UGCG: variants seen among roughly 807,000 people sequenced by gnomAD.
The protein encoded by UGCG is ceramide glucosyltransferase.
In UGCG, 10 loss-of-function variants were observed where a neutral mutation model predicts 49.5. That is an observed-to-expected ratio of 0.20 (90% CI 0.12 to 0.34). UGCG has a LOEUF of 0.34. Ranked by LOEUF, UGCG falls within the 10% of genes least tolerant of loss-of-function variation. The probability of loss-of-function intolerance (pLI) is 1.00; values close to 1 mark genes in which losing one functional copy is unlikely to be tolerated. For missense variants in UGCG, 312 were observed against 483.7 expected (o/e 0.65, Z 3.33); for synonymous variants, 182 against 158.2 (o/e 1.15, Z -1.13).
At chr9:111,912,589 A>T (rs1036997450) in intron 1 of UGCG, among the ~76,000 whole-genome samples, 1 of 152,068 alleles carries the variant, frequency 6.6e-6, no homozygotes, top group African/African-American at 2.4e-5. Context: ...AAAAAATAAA[A>T]AAAAAAAAAT....
chr9:111,929,984 A>C (rs1217314097), intron 6 of UGCG, among the ~76,000 whole-genome samples: 1 of 151,956 alleles, frequency 6.6e-6, no homozygotes, highest in Non-Finnish European at 1.5e-5. Context: ...ATGCACACTA[A>C]TTTTTGTATT....
Position 111,934,847 on chromosome 9 carries a change from G to A in UGCG, c.*1850G>A, listed in dbSNP as rs1045365223. On this transcript the variant is annotated 3_prime_UTR_variant, in exon 9 of 9. Transcript: ENST00000374279. ...ATTATTCCCTGAGGAAAGTTGCACA[G>A]TGAAAACCAGTCTGGTTGTGACCCA... 6.6e-6 allele frequency: 1 copy of A among 151,956 alleles called. No homozygotes were observed. The highest frequency in any genetic ancestry group is 2.4e-5 in the African/African-American group (1 of 41,354). 9.4% of individuals were successfully genotyped at this position (151,956 alleles called of 1,614,324 possible).
chr9:111,914,693 G>A lies in UGCG; in HGVS notation c.187G>A (p.Asp63Asn). ...VSLLKPLKGV[D>N]PNLINNLETF... Reference sequence around the variant, plus strand: ...TCTTCTGAAACCACTGAAAGGGGTAGATCCTAACTTAATCAACAACCTGGA... The same window carrying A: ...TCTTCTGAAACCACTGAAAGGGGTAAATCCTAACTTAATCAACAACCTGGA... The change falls in exon 2 of 9, where the codon GAT (aspartate) becomes AAT (asparagine). Residue 63 changes from aspartate to asparagine, a missense_variant. Transcript: ENST00000374279. 6.2e-7 allele frequency: 1 copy of A among 1,614,164 alleles called. No homozygotes were observed. Among genetic ancestry groups the A allele is most frequent in the Non-Finnish European group, 8.5e-7 (1 of 1,180,020 alleles).
chr9:111,909,639 T>A (rs1258730965), intron 1 of UGCG, among the ~76,000 whole-genome samples: 1 of 152,260 alleles, frequency 6.6e-6, no homozygotes, highest in Admixed American at 6.5e-5. Context: ...CATTCGGGGC[T>A]GTAAAGATGT....
chr9:111,927,194 C>T (rs12377408), intron 5 of UGCG, among the ~76,000 whole-genome samples: 67,095 of 151,786 alleles, frequency 0.44, 16,007 homozygotes, highest in African/African-American at 0.63. Context: ...TTTTAAAATA[C>T]CACAAAGTAT....
chr9:111,934,172 T>C lies in UGCG; in HGVS notation c.*1175T>C, dbSNP rs1484809025. On this transcript the variant is annotated 3_prime_UTR_variant, in exon 9 of 9. Coordinates refer to ENST00000374279, the MANE Select transcript of UGCG (RefSeq NM_003358.3). ...TGTTTTTGTTTGTTTACTATTATAG[T>C]AAGTCTAGTCTTATTTAAATTGGAT... 1 of 151,818 alleles carries C rather than the reference T, an allele frequency of 6.6e-6. No individual in the cohort carries two copies. Among genetic ancestry groups the C allele is most frequent in the Non-Finnish European group, 1.5e-5 (1 of 67,974 alleles). The allele number at this position is 151,818 out of a possible 1,614,324, so 9.4% of individuals were successfully genotyped here.
At chr9:111,929,792 G>A in intron 6 of UGCG, 114 bp downstream of exon 6, 1 of 1,244,248 alleles carries the variant, frequency 8.0e-7, no homozygotes, top group Admixed American at 2.5e-5. Flanking sequence ...TTTTTTGCTA[G>A]TAAGTACAGA....
At chr9:111,911,328 G>A (rs896358860) in intron 1 of UGCG, among the ~76,000 whole-genome samples, 6 of 151,890 alleles carry the variant, frequency 4.0e-5, no homozygotes, top group East Asian at 1.9e-4. Flanking sequence ...TTGTCCTAAC[G>A]GTTCAATTAT....
At position 111,932,899 on chromosome 9, in the gene UGCG, AT is replaced by A. The variant is rs1243652090; in HGVS notation, c.1094del (p.Leu365CysfsTer9). ...WFIRESMTIY[I>X]FLSALWDPTI... ...CATCCGCGAATCCATGACAATATAC[AT>A]TTTTTTGTCTGCATTATGGGACCCA... On this transcript the variant is annotated frameshift_variant, in exon 9 of 9. Transcript: ENST00000374279. LOFTEE classifies it high-confidence loss of function. The A allele has an allele frequency of 1.9e-6, 3 of 1,612,458 alleles. No individual in the cohort carries two copies. The highest frequency in any genetic ancestry group is 1.1e-5 in the South Asian group (1 of 90,820).
intron 1 of UGCG, among the ~76,000 whole-genome samples, chr9:111,908,802 C>T (rs1837940390): frequency 6.6e-6 from 1 of 152,176 alleles, no homozygotes; most frequent in Admixed American, 6.5e-5. Context: ...ATCTGAGACA[C>T]TAAAAGAAAA....
chr9:111,931,581 A>G (rs1187844120), intron 7 of UGCG, among the ~76,000 whole-genome samples: 1 of 152,192 alleles, frequency 6.6e-6, no homozygotes, highest in Non-Finnish European at 1.5e-5. Flanking sequence ...AAATGTTGAG[A>G]CTGAATTTTT....
At chr9:111,901,303 GA>G (rs1292119370) in intron 1 of UGCG, among the ~76,000 whole-genome samples, 8 of 152,144 alleles carry the variant, frequency 5.3e-5, no homozygotes, top group African/African-American at 1.9e-4. Context: ...TTAAATTCAT[GA>G]ATACTTGGTG....
chr9:111,932,455 T>C, intron 8 of UGCG, 96 bp downstream of exon 8: 1 of 1,261,778 alleles, frequency 7.9e-7, no homozygotes, highest in South Asian at 1.6e-5. Context: ...TGAGCCATTC[T>C]TCAGCTTCCC....
At chr9:111,917,856 T>C (rs1042115812) in intron 2 of UGCG, among the ~76,000 whole-genome samples, 2 of 152,184 alleles carry the variant, frequency 1.3e-5, no homozygotes, top group Admixed American at 6.5e-5. Flanking sequence ...GTCACCAGCG[T>C]AGAAGGGATT....
chr9:111,908,117 G>A (rs894204038), intron 1 of UGCG, among the ~76,000 whole-genome samples: 1 of 152,082 alleles, frequency 6.6e-6, no homozygotes, highest in Admixed American at 6.6e-5. Context: ...GGGAAGAGTA[G>A]GGCTTTTAGT....
chr9:111,907,081 T>C (rs1329516425), intron 1 of UGCG, among the ~76,000 whole-genome samples: 1 of 152,220 alleles, frequency 6.6e-6, no homozygotes. Context: ...CCTGAAATTT[T>C]GAAGCTCTGA....
At chr9:111,897,365 A>T (rs1485432272) in intron 1 of UGCG, 52 bp downstream of exon 1, 3 of 1,442,214 alleles carry the variant, frequency 2.1e-6, no homozygotes, top group Non-Finnish European at 2.8e-6. Context: ...GGCCTCGGAG[A>T]CAGGCGAGAA....
chr9:111,933,095 CAT>C lies in UGCG; in HGVS notation c.*99_*100del. 1 of 1,137,260 alleles carries C rather than the reference CAT, an allele frequency of 8.8e-7. No homozygotes were observed. 70.4% of individuals were successfully genotyped at this position (1,137,260 alleles called of 1,614,324 possible). On this transcript the variant is annotated 3_prime_UTR_variant, in exon 9 of 9. Transcript: ENST00000374279. ...AAATCTACCTTCTGTAGTTTTATCACATGTATGTTTTGGTATCTGTTCTTTAA... is the reference window on the plus strand; with the variant it reads ...AAATCTACCTTCTGTAGTTTTATCACGTATGTTTTGGTATCTGTTCTTTAA...
intron 1 of UGCG, among the ~76,000 whole-genome samples, chr9:111,900,668 G>C (rs1055349173): frequency 6.6e-6 from 1 of 151,838 alleles, no homozygotes; most frequent in Non-Finnish European, 1.5e-5. Flanking sequence ...TAATTTTTGT[G>C]CTTTTTGTAG....
Sources: gnomAD v4.1 joint callset for allele counts (sites outside exome capture counted in the v4.1 genomes callset) on GRCh38, gnomAD v4.1.1 for gene constraint, MANE v1.5 for transcripts, NCBI Gene and HGNC (gene_info 2026-07-23, HGNC 2026-07-21) for gene names.